Variants in UNC79 observed in about 807,000 individuals in gnomAD.
UNC79 encodes protein unc-79 homolog.
Under a neutral mutation model 283.1 loss-of-function variants are expected in UNC79, and 37 were observed. The observed-to-expected ratio is 0.13, with a 90% CI of 0.10 to 0.17. UNC79 has a LOEUF of 0.17. Among genes scored for constraint, UNC79 ranks in the 10% least tolerant of loss-of-function variants. The pLI, the probability that UNC79 is intolerant of heterozygous loss-of-function variation, is 1.00. For missense variants in UNC79, 2,272 were observed against 3,211.1 expected, an observed-to-expected ratio of 0.71 and a Z score of 7.07; for synonymous variants, 1,107 against 1,200.2, an observed-to-expected ratio of 0.92 and a Z score of 1.61.
intron 12 of UNC79, among the ~76,000 whole-genome samples, chr14:93,539,208 C>A (rs987644815): frequency 4.7e-5 from 4 of 85,882 alleles, no homozygotes; most frequent in Non-Finnish European, 1.1e-4. Flanking sequence ...TGGCTCCAGG[C>A]AAGATTTTTT....
intron 1 of UNC79, among the ~76,000 whole-genome samples, chr14:93,444,330 T>A (rs1367908459): frequency 6.6e-6 from 1 of 152,206 alleles, no homozygotes; most frequent in Non-Finnish European, 1.5e-5. Context: ...TCTTTATATA[T>A]TCTGAATACA....
intron 8 of UNC79, among the ~76,000 whole-genome samples, chr14:93,524,251 G>C (rs1029444796): frequency 6.6e-6 from 1 of 152,198 alleles, no homozygotes. Flanking sequence ...CTATGCGTTC[G>C]TAGCCAAGTG....
chr14:93,489,695 C>T (rs894117187), intron 5 of UNC79, among the ~76,000 whole-genome samples: 1 of 152,258 alleles, frequency 6.6e-6, no homozygotes, highest in Non-Finnish European at 1.5e-5. Context: ...AGAGTTCTGT[C>T]TTTTGGACCC....
chr14:93,409,027 G>A (rs1213499494), intron 1 of UNC79, among the ~76,000 whole-genome samples: 1 of 152,124 alleles, frequency 6.6e-6, no homozygotes, highest in African/African-American at 2.4e-5. Flanking sequence ...AATAAAGAAA[G>A]GATTCACTAT....
At chr14:93,660,563 A>ATATATGTATATATGTGTGTG (rs1203621990) in intron 39 of UNC79, among the ~76,000 whole-genome samples, 2 of 64,774 alleles carry the variant, frequency 3.1e-5, no homozygotes, top group Non-Finnish European at 5.8e-5. Context: ...ATATATATAT[A>ATATATGTATATATGTGTGTG]TGTGTGTGTG....
rs188669535 is a variant in UNC79, at chr14:93,674,432, G to T, written c.6741+977G>T. ...TGGCTGTGCCAGAGGAATCAGCAGG[G>T]GTTCAGGTAACCTGGCACCCTGCCT... On this transcript the variant is annotated intron_variant, in intron 41 of 48. Transcript: ENST00000555664. 2.2e-4 allele frequency among the ~76,000 whole-genome samples: 34 copies of T among 152,298 alleles called. No homozygotes were observed. In the East Asian group the frequency reaches 6.4e-3, roughly 29 times the overall value.
chr14:93,465,414 T>C (rs2057133994), intron 1 of UNC79, among the ~76,000 whole-genome samples: 1 of 152,146 alleles, frequency 6.6e-6, no homozygotes, highest in Non-Finnish European at 1.5e-5. Flanking sequence ...GTATAGTTTC[T>C]GCCCTTAAGA....
intron 41 of UNC79, among the ~76,000 whole-genome samples, chr14:93,682,194 G>A (rs72692949): frequency 0.019 from 2,862 of 152,264 alleles, 48 homozygotes; most frequent in Non-Finnish European, 0.029. Flanking sequence ...GAAACAGGTA[G>A]AATACTCACT....
chr14:93,687,932 A>ATCATT (rs1235137954), intron 43 of UNC79, among the ~76,000 whole-genome samples: 4 of 152,170 alleles, frequency 2.6e-5, no homozygotes, highest in African/African-American at 4.8e-5. Flanking sequence ...TTGGGAAACA[A>ATCATT]ATCAGAAGGA....
At chr14:93,407,572 G>A (rs952350307) in intron 1 of UNC79, among the ~76,000 whole-genome samples, 2 of 152,144 alleles carry the variant, frequency 1.3e-5, no homozygotes, top group African/African-American at 4.8e-5. Flanking sequence ...ACAAAGGTCT[G>A]TCCTTAAAGG....
Position 93,703,077 on chromosome 14 carries a change from T to C in UNC79, c.7549-1548T>C, listed in dbSNP as rs1180962877. 2.0e-5 allele frequency among the ~76,000 whole-genome samples: 3 copies of C among 152,378 alleles called. No homozygotes were observed. In the South Asian group the frequency reaches 6.2e-4, roughly 32 times the overall value. Reference sequence around the variant, plus strand: ...GGGCTAAGGGTGTGAAGGCCTGGCCTGTGCTTTTCTAAACTTGTTTTTCAT... The same window carrying C: ...GGGCTAAGGGTGTGAAGGCCTGGCCCGTGCTTTTCTAAACTTGTTTTTCAT... On this transcript the variant is annotated intron_variant, in intron 47 of 48. Coordinates refer to ENST00000555664, the Ensembl canonical transcript of UNC79.
chr14:93,557,664 T>A (rs1426231319), intron 14 of UNC79, among the ~76,000 whole-genome samples: 1 of 152,000 alleles, frequency 6.6e-6, no homozygotes, highest in African/African-American at 2.4e-5. Flanking sequence ...AGTACCCCCA[T>A]ATGGTCACAA....
At chr14:93,401,866 G>T (rs906726919) in intron 1 of UNC79, among the ~76,000 whole-genome samples, 1 of 152,094 alleles carries the variant, frequency 6.6e-6, no homozygotes, top group African/African-American at 2.4e-5. Context: ...ACCACAAACT[G>T]TTAGAAAGGG....
chr14:93,338,296 G>A lies in UNC79; in HGVS notation c.-351+4773G>A, dbSNP rs537116754. On this transcript the variant is annotated intron_variant, in intron 1 of 49. Transcript: ENST00000256339. ...TTAAAAGTGTGCACCACCTCCCACC[G>A]ACCAGTCCATCTCTTGCCATGTGAC... 7.7e-4 allele frequency among the ~76,000 whole-genome samples: 117 copies of A among 152,156 alleles called. 2 individuals are homozygous for A. Among genetic ancestry groups the A allele is most frequent in the African/African-American group, 2.6e-3 (109 of 41,532 alleles).
chr14:93,585,726 G>C (rs2064173697), intron 20 of UNC79, among the ~76,000 whole-genome samples: 1 of 152,152 alleles, frequency 6.6e-6, no homozygotes, highest in South Asian at 2.1e-4. Flanking sequence ...CCAGTATGGG[G>C]GCAAAAGTTT....
intron 1 of UNC79, among the ~76,000 whole-genome samples, chr14:93,371,143 A>G (rs1027426085): frequency 6.6e-6 from 1 of 152,078 alleles, no homozygotes; most frequent in Admixed American, 6.6e-5. Flanking sequence ...TAATCCCAGC[A>G]CTTTGTGAGT....
chr14:93,366,474 A>G (rs1486228824), intron 1 of UNC79, among the ~76,000 whole-genome samples: 1 of 151,832 alleles, frequency 6.6e-6, no homozygotes, highest in Admixed American at 6.6e-5. Context: ...TTATTATTTT[A>G]TATATTTAGG....
chr14:93,701,326 A>C (rs1366014999), intron 47 of UNC79, among the ~76,000 whole-genome samples: 3 of 151,890 alleles, frequency 2.0e-5, no homozygotes, highest in Admixed American at 2.0e-4. Flanking sequence ...GGTCTTTGTT[A>C]CTCCATCTTG....
At chr14:93,618,092 TC>T in intron 28 of UNC79, 99 bp from the exon 30 acceptor site, 2 of 1,253,494 alleles carry the variant, frequency 1.6e-6, no homozygotes, top group South Asian at 1.5e-5. Context: ...TATATATTTA[TC>T]CCCAAGAGAT....
Sources: gnomAD v4.1 joint callset for allele counts (sites outside exome capture counted in the v4.1 genomes callset) on GRCh38, gnomAD v4.1.1 for gene constraint, MANE v1.5 for transcripts, NCBI Gene and HGNC (gene_info 2026-07-23, HGNC 2026-07-21) for gene names.